Variants in KIF27 observed in about 807,000 individuals in gnomAD.
KIF27 encodes the protein kinesin family member 27, also known as kinesin-like protein KIF27.
KIF27 carries 84 observed loss-of-function variants against 141.8 expected under a neutral mutation model. The ratio of observed to expected loss-of-function variants is 0.59; its 90% CI spans 0.50 to 0.71. KIF27 has a LOEUF of 0.71. KIF27 is among the 30% of genes least tolerant of loss of function. The probability of loss-of-function intolerance (pLI) is 0.00; values close to 1 mark genes in which losing one functional copy is unlikely to be tolerated. For synonymous variants in KIF27, 471 were observed against 569.5 expected (o/e 0.83, Z 2.46); for missense variants, 1,306 against 1,628.4 (o/e 0.80, Z 3.41).
At chr9:83,920,207 G>A (rs1956120028) in intron 1 of KIF27, among the ~76,000 whole-genome samples, 1 of 152,152 alleles carries the variant, frequency 6.6e-6, no homozygotes, top group Non-Finnish European at 1.5e-5. Context: ...GTAACAGAGC[G>A]AGACCCTGTC....
intron 17 of KIF27, among the ~76,000 whole-genome samples, chr9:83,841,838 T>C (rs1287020840): frequency 1.3e-5 from 2 of 152,194 alleles, no homozygotes; most frequent in East Asian, 1.9e-4. Flanking sequence ...GTTCATGATA[T>C]ATAAAAATAC....
At chr9:83,893,887 G>GA (rs1048003386) in intron 5 of KIF27, among the ~76,000 whole-genome samples, 1 of 150,940 alleles carries the variant, frequency 6.6e-6, no homozygotes, top group South Asian at 2.1e-4. Flanking sequence ...GAAACTGCAA[G>GA]AAAAAAAAGT....
At position 83,853,673 on chromosome 9, in the gene KIF27, T is replaced by A. The variant is rs756317575; in HGVS notation, c.3313A>T (p.Ser1105Cys). 26 of 1,613,852 alleles carry A rather than the reference T, an allele frequency of 1.6e-5. No homozygotes were observed. The South Asian group carries it at 2.9e-4, about 18-fold the overall frequency. ...AGAATAGTTCTAATCTCAACAGGAC[T>A]CAGGCAAGCTAGCTTTTCCAAGACA... ...ANVLEKLACL[S>C]PVEIRTILFR... Residue 1105 changes from serine to cysteine, a missense_variant, in exon 15 of 18, where the codon AGT (serine) becomes TGT (cysteine). Ser to Cys is a moderately radical substitution (Grantham distance 112, BLOSUM62 -1). This residue lies in a region of KIF27 where 596 missense variants were observed against 751.6 expected (regional missense o/e 0.79). Coordinates refer to ENST00000297814, the MANE Select transcript of KIF27 (RefSeq NM_017576.4).
chr9:83,899,950 T>G (rs1229737375), intron 4 of KIF27, 146 bp from the exon 5 acceptor site: 6 of 610,522 alleles, frequency 9.8e-6, no homozygotes, highest in African/African-American at 1.8e-5. Flanking sequence ...GATTTCTTTC[T>G]AAGAAAGGCA....
At chr9:83,907,174 C>T (rs1443138795) in intron 3 of KIF27, among the ~76,000 whole-genome samples, 1 of 151,710 alleles carries the variant, frequency 6.6e-6, no homozygotes, top group Admixed American at 6.6e-5. Flanking sequence ...CCTGTAGTCC[C>T]AGCTACTCGG....
Position 83,903,677 on chromosome 9 carries a change from G to A in KIF27, c.841C>T (p.Leu281Phe). Reference protein sequence around the residue: ...LLALGNVISALGDPRRKSSHI... With the variant: ...LLALGNVISAFGDPRRKSSHI... Reference sequence around the variant, plus strand: ...GAACTCTTCCTGCGTGGGTCCCCAAGAGCGCTTATTACATTTCCTAAAGCC... The same window carrying A: ...GAACTCTTCCTGCGTGGGTCCCCAAAAGCGCTTATTACATTTCCTAAAGCC... Residue 281 changes from leucine to phenylalanine, a missense_variant, in exon 4 of 18, where the codon CTT (leucine) becomes TTT (phenylalanine). This residue lies in a region of KIF27 where 533 missense variants were observed against 565.6 expected (regional missense o/e 0.94). Coordinates refer to ENST00000297814, the MANE Select transcript of KIF27 (RefSeq NM_017576.4). 1 of 1,614,084 alleles carries A rather than the reference G, an allele frequency of 6.2e-7. No homozygotes were observed. Among genetic ancestry groups the A allele is most frequent in the Non-Finnish European group, 8.5e-7 (1 of 1,180,016 alleles).
At chr9:83,884,219 T>C (rs1951905589) in intron 9 of KIF27, among the ~76,000 whole-genome samples, 1 of 152,104 alleles carries the variant, frequency 6.6e-6, no homozygotes, top group Non-Finnish European at 1.5e-5. Context: ...CCTTAATGAC[T>C]GTTCCCATCT....
intron 7 of KIF27, 52 bp downstream of exon 7, chr9:83,889,032 A>G: frequency 1.3e-6 from 2 of 1,546,904 alleles, no homozygotes; most frequent in Non-Finnish European, 1.7e-6. Flanking sequence ...TTCTATATTT[A>G]TTGCAGCATA....
At chr9:83,891,980 TA>T (rs1208306342) in intron 5 of KIF27, among the ~76,000 whole-genome samples, 5 of 151,842 alleles carry the variant, frequency 3.3e-5, no homozygotes, top group African/African-American at 1.2e-4. Flanking sequence ...AGCAGACAGA[TA>T]GAAGATAGCC....
chr9:83,879,279 TA>T (rs1401645873), intron 11 of KIF27, among the ~76,000 whole-genome samples: 1 of 151,916 alleles, frequency 6.6e-6, no homozygotes, highest in Non-Finnish European at 1.5e-5. Context: ...TAACTTGGTT[TA>T]AATGCTCTTT....
At chr9:83,874,895 C>T (rs1053285531) in intron 11 of KIF27, among the ~76,000 whole-genome samples, 7 of 144,346 alleles carry the variant, frequency 4.8e-5, no homozygotes, top group African/African-American at 1.8e-4. Context: ...GATCACATCA[C>T]TGCACTCAAG....
intron 17 of KIF27, among the ~76,000 whole-genome samples, chr9:83,839,107 C>T (rs768593080): frequency 3.3e-5 from 5 of 152,016 alleles, no homozygotes; most frequent in Non-Finnish European, 7.4e-5. Flanking sequence ...CTACAGTGAG[C>T]CATGAATGTA....
intron 13 of KIF27, among the ~76,000 whole-genome samples, chr9:83,860,620 T>C (rs953282348): frequency 1.3e-5 from 2 of 152,254 alleles, no homozygotes; most frequent in Admixed American, 1.3e-4. Flanking sequence ...AACAGAACTA[T>C]AAAATTCCTC....
Position 83,834,699 on chromosome 9 carries a change from A to G in KIF27, c.*2302T>C, listed in dbSNP as rs948954233. Among the ~76,000 whole-genome samples the G allele has an allele frequency of 2.6e-5, 4 of 151,526 alleles. No homozygotes were observed. Among genetic ancestry groups the G allele is most frequent in the African/African-American group, 9.7e-5 (4 of 41,368 alleles). ...TACTTAATCTTATAAGGAACTTATT[A>G]TTAGGATCTTCATTAATAAATATTT... On this transcript the variant is annotated 3_prime_UTR_variant, in exon 18 of 18. Transcript: ENST00000297814.
chr9:83,918,934 G>C (rs1166114867), intron 1 of KIF27, among the ~76,000 whole-genome samples: 3 of 152,048 alleles, frequency 2.0e-5, no homozygotes, highest in Admixed American at 1.3e-4. Flanking sequence ...AAATTAGACG[G>C]GCATGGTGGT....
At chr9:83,860,445 C>A (rs1416248068) in intron 13 of KIF27, among the ~76,000 whole-genome samples, 2 of 152,148 alleles carry the variant, frequency 1.3e-5, no homozygotes, top group Non-Finnish European at 1.5e-5. Flanking sequence ...TACTTCCCAA[C>A]CTCCTCCATT....
At chr9:83,919,927 A>C (rs1239199249) in intron 1 of KIF27, among the ~76,000 whole-genome samples, 2 of 151,564 alleles carry the variant, frequency 1.3e-5, no homozygotes, top group Non-Finnish European at 2.9e-5. Context: ...ACTTATTCTA[A>C]GCATTAAAAA....
At chr9:83,887,405 A>G (rs1271903498) in intron 8 of KIF27, among the ~76,000 whole-genome samples, 1 of 152,220 alleles carries the variant, frequency 6.6e-6, no homozygotes, top group Non-Finnish European at 1.5e-5. Context: ...CTTACAAATT[A>G]ATACATGTAT....
intron 13 of KIF27, among the ~76,000 whole-genome samples, chr9:83,861,121 A>G (rs1249731516): frequency 6.6e-6 from 1 of 151,586 alleles, no homozygotes; most frequent in African/African-American, 2.4e-5. Flanking sequence ...AGTGTATCCA[A>G]ACCTTCACAG....
Sources: allele counts gnomAD v4.1 joint callset (sites outside exome capture counted in the v4.1 genomes callset), GRCh38; gene constraint gnomAD v4.1.1; regional missense constraint gnomAD v4.1.1; transcripts MANE v1.5; gene names NCBI Gene and HGNC (gene_info 2026-07-23, HGNC 2026-07-21).